Variants in MTA3 observed in about 807,000 individuals in gnomAD.
MTA3 encodes the protein metastasis-associated protein MTA3.
Under a neutral mutation model 83.5 loss-of-function variants are expected in MTA3, and 34 were observed. The ratio of observed to expected loss-of-function variants is 0.41; its 90% CI spans 0.31 to 0.54. The LOEUF (loss-of-function observed/expected upper bound fraction) is 0.54, where lower values mean the gene tolerates loss of function less well. Ranked by LOEUF, MTA3 falls within the 20% of genes least tolerant of loss-of-function variation. MTA3 has a pLI of 0.33. For synonymous variants in MTA3, 303 were observed against 252.7 expected, an observed-to-expected ratio of 1.20 and a Z score of -1.89; for missense variants, 761 against 726.4, an observed-to-expected ratio of 1.05 and a Z score of -0.55.
At chr2:42,689,332 T>C (rs114723083) in intron 9 of MTA3, among the ~76,000 whole-genome samples, 7 of 152,354 alleles carry the variant, frequency 4.6e-5, no homozygotes, top group African/African-American at 1.7e-4. Context: ...GAACATGTTG[T>C]TTTGAATCTA....
intron 6 of MTA3, among the ~76,000 whole-genome samples, chr2:42,650,143 T>C (rs1294391875): frequency 3.9e-5 from 6 of 152,210 alleles, no homozygotes; most frequent in African/African-American, 1.4e-4. Flanking sequence ...TAAGCAGGTA[T>C]TGATTGCCAT....
intron 14 of MTA3, among the ~76,000 whole-genome samples, chr2:42,714,812 T>C (rs1181546348): frequency 6.6e-6 from 1 of 152,180 alleles, no homozygotes; most frequent in African/African-American, 2.4e-5. Context: ...GCAATCTAGA[T>C]CCCTCGCATA....
rs200870741 is a variant in MTA3 at position 42,647,155 on chromosome 2, T to A, written c.499+2911T>A. 2.6e-3 allele frequency among the ~76,000 whole-genome samples: 237 copies of A among 92,042 alleles called. 1 individual carries two copies. The highest frequency in any genetic ancestry group is 0.015 in the Middle Eastern group (2 of 134). The allele number at this position is 92,042 out of a possible 152,430, so 60.4% of individuals were successfully genotyped here. A position where few individuals can be genotyped will look rare whatever the true frequency, so the allele number is the denominator to read the frequency against. On this transcript the variant is annotated intron_variant, in intron 6 of 16. Transcript: ENST00000405094. ...CTGGGTGACAGAGTGAGACTCTGTCTAAAAAAAAAAAACAAAAAAGAAAGG... is the reference window on the plus strand; with the variant it reads ...CTGGGTGACAGAGTGAGACTCTGTCAAAAAAAAAAAAACAAAAAAGAAAGG...
intron 4 of MTA3, among the ~76,000 whole-genome samples, chr2:42,622,231 C>G (rs572563924): frequency 6.6e-6 from 1 of 152,148 alleles, no homozygotes; most frequent in Non-Finnish European, 1.5e-5. Context: ...AGCGAAACCC[C>G]GTCTCCACCA....
intron 4 of MTA3, among the ~76,000 whole-genome samples, chr2:42,610,298 C>A (rs529022658): frequency 6.6e-6 from 1 of 152,158 alleles, no homozygotes. Context: ...AGGCAGGTGA[C>A]TCTTGACCTT....
At chr2:42,676,647 T>A (rs141192673) in intron 8 of MTA3, among the ~76,000 whole-genome samples, 1,625 of 152,246 alleles carry the variant, frequency 0.011, 26 homozygotes, top group African/African-American at 0.033. Context: ...GCACCTGTAG[T>A]CCCAGTTACT....
chr2:42,563,424 T>A (rs11692987), intron 2 of MTA3, among the ~76,000 whole-genome samples: 118,602 of 152,186 alleles, frequency 0.78, 47,046 homozygotes, highest in African/African-American at 0.93. Context: ...CTGCCTTAGC[T>A]TCCCAAAGTG....
intron 11 of MTA3, 154 bp from the exon 12 acceptor site, chr2:42,704,040 T>C: frequency 1.1e-5 from 9 of 833,426 alleles, no homozygotes; most frequent in Non-Finnish European, 1.6e-5. Flanking sequence ...GTGAGTTCAT[T>C]TAACACCTTG....
At chr2:42,506,650 ATTC>A (rs1674645091) in intron 2 of MTA3, among the ~76,000 whole-genome samples, 1 of 143,622 alleles carries the variant, frequency 7.0e-6, no homozygotes, top group Admixed American at 7.1e-5. Context: ...TTTATTTATT[ATTC>A]TTTTTTGATA....
intron 2 of MTA3, among the ~76,000 whole-genome samples, chr2:42,502,796 T>TAAA (rs1674453033): frequency 7.1e-5 from 2 of 28,248 alleles, no homozygotes; most frequent in Non-Finnish European, 6.1e-5. Context: ...AAACTCTGTC[T>TAAA]CAAAAAAAAA....
At position 42,755,179 on chromosome 2, in the gene MTA3, GCTGT is replaced by G. The variant is rs1475016482; in HGVS notation, c.*1789_*1792del. On this transcript the variant is annotated 3_prime_UTR_variant, in exon 17 of 17. Coordinates refer to ENST00000405094, the MANE Select transcript of MTA3 (RefSeq NM_001330442.2). ...TCCCTAAAGAAAAAGACACAGGAAA[GCTGT>G]CTGTCTGTACCCTGCTCTGGATTTA... 2.0e-6 allele frequency: 2 copies of G among 985,430 alleles called. No individual in the cohort carries two copies. The highest frequency in any genetic ancestry group is 6.1e-5 in the Admixed American group (1 of 16,274). 61.0% of individuals were successfully genotyped at this position (985,430 alleles called of 1,614,324 possible).
chr2:42,573,739 G>T (rs1678737515), intron 2 of MTA3, among the ~76,000 whole-genome samples: 1 of 152,094 alleles, frequency 6.6e-6, no homozygotes, highest in Non-Finnish European at 1.5e-5. Context: ...TCAAACTCCT[G>T]ACCTCAGGTG....
chr2:42,585,872 G>A (rs6716970), intron 3 of MTA3, among the ~76,000 whole-genome samples: 147,812 of 152,292 alleles, frequency 0.97, 71,754 homozygotes, highest in East Asian at 1. Flanking sequence ...CAGTATTTCA[G>A]GGTTGGAATG....
upstream of MTA3, among the ~76,000 whole-genome samples, chr2:42,565,700 C>A (rs1480107903): frequency 6.6e-6 from 1 of 151,976 alleles, no homozygotes; most frequent in Non-Finnish European, 1.5e-5. Flanking sequence ...GTGCCAAACA[C>A]CTTCTATATT....
At chr2:42,708,141 T>G in intron 13 of MTA3, 87 bp downstream of exon 13, 1 of 1,327,782 alleles carries the variant, frequency 7.5e-7, no homozygotes, top group Non-Finnish European at 9.9e-7. Context: ...TATAGGATAA[T>G]TAAAAAATGA....
At chr2:42,693,021 G>C (rs181421097) in intron 9 of MTA3, among the ~76,000 whole-genome samples, 1 of 152,298 alleles carries the variant, frequency 6.6e-6, no homozygotes, top group Non-Finnish European at 1.5e-5. Flanking sequence ...ATTAGATCTG[G>C]AATTCTCTGG....
At position 42,672,629 on chromosome 2, in the gene MTA3, A is replaced by ACAG. The variant is rs1416806270; in HGVS notation, c.703-9772_703-9771insCAG. 5.1e-5 allele frequency among the ~76,000 whole-genome samples: 7 copies of ACAG among 138,522 alleles called. No individual in the cohort carries two copies. The Admixed American group carries it at 5.2e-4, about 10-fold the overall frequency. The allele number at this position is 138,522 out of a possible 152,430, so 90.9% of individuals were successfully genotyped here. The stretch of plus-strand genomic sequence containing the variant: ...CACTGAACTCTAGCCCGGGTCACAG[A>ACAG]GCAAGATTCCATCTCCAAAAAAAAA... On this transcript the variant is annotated intron_variant, in intron 8 of 16. Coordinates refer to ENST00000405094, the MANE Select transcript of MTA3 (RefSeq NM_001330442.2).
chr2:42,629,823 G>C (rs1409447953), intron 4 of MTA3, among the ~76,000 whole-genome samples: 2 of 151,958 alleles, frequency 1.3e-5, no homozygotes, highest in African/African-American at 4.8e-5. Context: ...CTGTCTCCCA[G>C]GCTGGAGTTC....
At chr2:42,689,632 TTTATC>T (rs1692695146) in intron 9 of MTA3, among the ~76,000 whole-genome samples, 1 of 152,152 alleles carries the variant, frequency 6.6e-6, no homozygotes, top group African/African-American at 2.4e-5. Context: ...ATTTGTCCCT[TTTATC>T]TTAAGTTGTC....
Sources: allele counts gnomAD v4.1 joint callset (sites outside exome capture counted in the v4.1 genomes callset), GRCh38; gene constraint gnomAD v4.1.1; transcripts MANE v1.5; gene names NCBI Gene and HGNC (gene_info 2026-07-23, HGNC 2026-07-21).